ZCCHC7: variants seen among roughly 807,000 people sequenced by gnomAD.
ZCCHC7 encodes the protein zinc finger CCHC domain-containing protein 7.
ZCCHC7 carries 35 observed loss-of-function variants against 52.0 expected under a neutral mutation model. That is an observed-to-expected ratio of 0.67 (90% CI 0.51 to 0.89). ZCCHC7 has a LOEUF of 0.89. Among genes scored for constraint, ZCCHC7 ranks in the 40% least tolerant of loss-of-function variants. The pLI, the probability that ZCCHC7 is intolerant of heterozygous loss-of-function variation, is 0.00. For missense variants in ZCCHC7, 574 were observed against 649.1 expected, an observed-to-expected ratio of 0.88 and a Z score of 1.26; for synonymous variants, 217 against 221.5, an observed-to-expected ratio of 0.98 and a Z score of 0.18.
At chr9:37,137,234 T>TTG in intron 2 of ZCCHC7, among the ~76,000 whole-genome samples, 1 of 152,206 alleles carries the variant, frequency 6.6e-6, no homozygotes, top group Non-Finnish European at 1.5e-5. Context: ...GCAGAATACG[T>TTG]AATCATTCCA....
intron 6 of ZCCHC7, among the ~76,000 whole-genome samples, chr9:37,335,685 C>T (rs1830618672): frequency 6.6e-6 from 1 of 152,096 alleles, no homozygotes; most frequent in African/African-American, 2.4e-5. Flanking sequence ...TCCTAAGGAC[C>T]TCTTTACTCT....
chr9:37,232,642 A>T (rs1825461223), intron 2 of ZCCHC7, among the ~76,000 whole-genome samples: 1 of 152,210 alleles, frequency 6.6e-6, no homozygotes, highest in African/African-American at 2.4e-5. Context: ...AAATTCTATG[A>T]AATTCAAATT....
At chr9:37,158,157 T>G (rs1820913693) in intron 2 of ZCCHC7, among the ~76,000 whole-genome samples, 1 of 152,226 alleles carries the variant, frequency 6.6e-6, no homozygotes, top group Non-Finnish European at 1.5e-5. Context: ...TTAGTCATTT[T>G]TAGTCAGTGG....
chr9:37,124,464 A>G (rs1333401570), intron 1 of ZCCHC7, among the ~76,000 whole-genome samples: 2 of 151,946 alleles, frequency 1.3e-5, no homozygotes, highest in African/African-American at 4.8e-5. Flanking sequence ...AAACGTTTGT[A>G]GCTGACCCCG....
chr9:37,168,098 T>C (rs1284107845), intron 2 of ZCCHC7, among the ~76,000 whole-genome samples: 1 of 152,194 alleles, frequency 6.6e-6, no homozygotes, highest in Non-Finnish European at 1.5e-5. Flanking sequence ...TCTGCTAAAC[T>C]CCAGGAGTTT....
chr9:37,150,193 A>G (rs1820441970), intron 2 of ZCCHC7, among the ~76,000 whole-genome samples: 1 of 152,188 alleles, frequency 6.6e-6, no homozygotes, highest in South Asian at 2.1e-4. Context: ...GGAAAGGAAT[A>G]GGAACAGACA....
At chr9:37,274,118 G>A (rs1827565876) in intron 2 of ZCCHC7, among the ~76,000 whole-genome samples, 1 of 152,084 alleles carries the variant, frequency 6.6e-6, no homozygotes, top group African/African-American at 2.4e-5. Flanking sequence ...GCATACCTGT[G>A]TAGCCTTTAT....
intron 2 of ZCCHC7, among the ~76,000 whole-genome samples, chr9:37,167,195 A>G (rs1041275595): frequency 1.4e-5 from 2 of 145,836 alleles, no homozygotes; most frequent in African/African-American, 5.0e-5. Flanking sequence ...CTTCAAGGTC[A>G]TTTTTTTCTT....
In ZCCHC7 at chr9:37,302,308, A is replaced by G. The variant is rs1402055662; in HGVS notation, c.654+77A>G. ...AGTTTATTATGATAACTTTTGGAAC[A>G]TTAATAAGTTTAAGTGGCTTATAAG... On this transcript the variant is annotated intron_variant, in intron 3 of 8. Transcript: ENST00000336755. 3 of 1,236,808 alleles carry G rather than the reference A, an allele frequency of 2.4e-6. No individual in the cohort carries two copies. The African/African-American group carries it at 4.5e-5, about 18-fold the overall frequency. 76.6% of individuals were successfully genotyped at this position (1,236,808 alleles called of 1,614,324 possible). A position where few individuals can be genotyped will look rare whatever the true frequency, so the allele number is the denominator to read the frequency against.
At chr9:37,307,356 G>T (rs1385079477) in intron 5 of ZCCHC7, among the ~76,000 whole-genome samples, 2 of 151,766 alleles carry the variant, frequency 1.3e-5, no homozygotes, top group Non-Finnish European at 1.5e-5. Context: ...TTTCATTTTA[G>T]GTCTTAATTG....
upstream of ZCCHC7, chr9:37,120,556 C>G (rs575092969): frequency 7.4e-4 from 296 of 399,450 alleles, 1 homozygote; most frequent in African/African-American, 5.4e-3. Context: ...CCTCATTTGT[C>G]CTCGCCCCTC....
intron 2 of ZCCHC7, among the ~76,000 whole-genome samples, chr9:37,160,635 C>T (rs1170518673): frequency 6.6e-6 from 1 of 152,146 alleles, no homozygotes; most frequent in Middle Eastern, 3.2e-3. Flanking sequence ...GCCTATAATC[C>T]CAGCACTTTG....
At chr9:37,147,028 G>A (rs968280507) in intron 2 of ZCCHC7, among the ~76,000 whole-genome samples, 1 of 151,866 alleles carries the variant, frequency 6.6e-6, no homozygotes, top group African/African-American at 2.4e-5. Context: ...TCAAATAACA[G>A]TAGTAAGTAT....
At chr9:37,343,370 G>A (rs1021748554) in intron 6 of ZCCHC7, among the ~76,000 whole-genome samples, 1 of 152,156 alleles carries the variant, frequency 6.6e-6, no homozygotes, top group Non-Finnish European at 1.5e-5. Flanking sequence ...ATATGTATTT[G>A]ATGCACACTT....
At position 37,246,357 on chromosome 9, in the gene ZCCHC7, G is replaced by A. The variant is rs968428164; in HGVS notation, c.611-55831G>A. Among the ~76,000 whole-genome samples the A allele has an allele frequency of 2.0e-5, 3 of 152,132 alleles. No individual in the cohort carries two copies. In the South Asian group the frequency reaches 6.2e-4, roughly 32 times the overall value. ...TAGATTAGGAAGGTAATCAGCATGA[G>A]AATGTTAACTGAACCCACAGGAGTC... On this transcript the variant is annotated intron_variant, in intron 2 of 8. Transcript: ENST00000336755.
At chr9:37,215,834 C>A (rs1824472179) in intron 2 of ZCCHC7, among the ~76,000 whole-genome samples, 1 of 151,934 alleles carries the variant, frequency 6.6e-6, no homozygotes, top group Admixed American at 6.6e-5. Flanking sequence ...AGCTGTAAAG[C>A]CTTTACTGCA....
At chr9:37,143,021 C>T (rs1337883782) in intron 2 of ZCCHC7, among the ~76,000 whole-genome samples, 2 of 151,556 alleles carry the variant, frequency 1.3e-5, no homozygotes, top group Non-Finnish European at 3.0e-5. Flanking sequence ...ACTGTAGAGC[C>T]GAACTTGAAA....
intron 2 of ZCCHC7, among the ~76,000 whole-genome samples, chr9:37,140,454 G>A (rs1843171919): frequency 2.0e-5 from 3 of 151,890 alleles, no homozygotes; most frequent in Admixed American, 2.0e-4. Context: ...GGTATTATTG[G>A]TTCTTCTGTG....
At chr9:37,280,475 A>G (rs1370741290) in intron 2 of ZCCHC7, among the ~76,000 whole-genome samples, 3 of 152,180 alleles carry the variant, frequency 2.0e-5, no homozygotes. Flanking sequence ...GATAGACCAT[A>G]TATATGGTGG....
Sources: gnomAD v4.1 joint callset for allele counts (sites outside exome capture counted in the v4.1 genomes callset) on GRCh38, gnomAD v4.1.1 for gene constraint, MANE v1.5 for transcripts, NCBI Gene and HGNC (gene_info 2026-07-23, HGNC 2026-07-21) for gene names.